Variants in UXS1 observed in about 807,000 individuals in gnomAD.
The protein encoded by UXS1 is UDP-glucuronic acid decarboxylase 1.
UXS1 carries 33 observed loss-of-function variants against 62.6 expected under a neutral mutation model. That is an observed-to-expected ratio of 0.53 (90% CI 0.40 to 0.70). UXS1 has a LOEUF of 0.70. Among genes scored for constraint, UXS1 ranks in the 30% least tolerant of loss-of-function variants. The probability of loss-of-function intolerance (pLI) is 0.00; values close to 1 mark genes in which losing one functional copy is unlikely to be tolerated. For missense variants in UXS1, 434 were observed against 556.3 expected, an observed-to-expected ratio of 0.78 and a Z score of 2.21; for synonymous variants, 213 against 206.8, an observed-to-expected ratio of 1.03 and a Z score of -0.26.
At chr2:106,142,917 G>A (rs182971756) in intron 6 of UXS1, among the ~76,000 whole-genome samples, 112 of 113,488 alleles carry the variant, frequency 9.9e-4, no homozygotes, top group African/African-American at 3.4e-3. Context: ...GTGTGTGTTT[G>A]CATGTATGTG....
At chr2:106,177,629 CT>C (rs1307921745) in intron 1 of UXS1, among the ~76,000 whole-genome samples, 2 of 152,054 alleles carry the variant, frequency 1.3e-5, no homozygotes, top group Non-Finnish European at 2.9e-5. Context: ...TTTTGAACAC[CT>C]TTTTTAAGTC....
intron 2 of UXS1, 32 bp downstream of exon 2, chr2:106,166,020 TCCAA>T: frequency 6.2e-7 from 1 of 1,600,436 alleles, no homozygotes; most frequent in South Asian, 1.1e-5. Context: ...GTCTATAAAA[TCCAA>T]CCACAGTACC....
In UXS1 at chr2:106,096,934, C is replaced by G. The variant is rs1008346472; in HGVS notation, c.1043-113G>C. The G allele has an allele frequency of 1.4e-5, 15 of 1,052,820 alleles. No homozygotes were observed. The Admixed American group carries it at 3.0e-4, about 21-fold the overall frequency. The allele number at this position is 1,052,820 out of a possible 1,614,324, so 65.2% of individuals were successfully genotyped here. A position where few individuals can be genotyped will look rare whatever the true frequency, so the allele number is the denominator to read the frequency against. ...ATATGTGGTGTGAATAGGGTGCAGG[C>G]GGTGGAAATGCAGTTCTCTGAGAAG... On this transcript the variant is annotated intron_variant, in intron 13 of 14. Transcript: ENST00000283148.
At chr2:106,109,340 G>T (rs1393050595) in intron 10 of UXS1, among the ~76,000 whole-genome samples, 1 of 152,160 alleles carries the variant, frequency 6.6e-6, no homozygotes, top group Non-Finnish European at 1.5e-5. Flanking sequence ...ACATACCACA[G>T]TATCAATAAA....
intron 5 of UXS1, among the ~76,000 whole-genome samples, chr2:106,151,675 A>C (rs1682026715): frequency 6.6e-6 from 1 of 152,224 alleles, no homozygotes; most frequent in African/African-American, 2.4e-5. Context: ...TCAATCTGAC[A>C]ACATGGCAAC....
chr2:106,095,193 T>C (rs1676979439), intron 14 of UXS1, among the ~76,000 whole-genome samples: 1 of 152,216 alleles, frequency 6.6e-6, no homozygotes, highest in Admixed American at 6.5e-5. Context: ...ATAGTGAATG[T>C]ATATTTAAAT....
intron 4 of UXS1, among the ~76,000 whole-genome samples, chr2:106,163,193 T>C (rs759957229): frequency 3.3e-5 from 5 of 152,238 alleles, no homozygotes; most frequent in Non-Finnish European, 7.3e-5. Flanking sequence ...TCATATTACA[T>C]AATTCTTCTG....
chr2:106,177,579 T>A (rs1683971172), intron 1 of UXS1, among the ~76,000 whole-genome samples: 2 of 152,232 alleles, frequency 1.3e-5, no homozygotes, highest in African/African-American at 4.8e-5. Context: ...CTTCCTATAC[T>A]TTTGTATTAC....
rs1217762075 is a variant in UXS1, at chr2:106,188,274, T to C, written c.94+5874A>G. Among the ~76,000 whole-genome samples the C allele has an allele frequency of 3.3e-5, 5 of 152,030 alleles. No homozygotes were observed. In the South Asian group the frequency reaches 1.0e-3, roughly 31 times the overall value. ...GGGGAAGGGAGAACAGGCACCAAAA[T>C]GCTACTGGATAGGAAAAAGAAGATA... On this transcript the variant is annotated intron_variant, in intron 1 of 14. Coordinates refer to ENST00000283148, the MANE Select transcript of UXS1 (RefSeq NM_001253875.2).
intron 10 of UXS1, among the ~76,000 whole-genome samples, chr2:106,112,002 T>C (rs539123949): frequency 1.3e-5 from 2 of 152,312 alleles, no homozygotes; most frequent in South Asian, 4.1e-4. Flanking sequence ...CAGGCAGGCC[T>C]GGGGTGCTCC....
At chr2:106,186,924 A>G (rs942113737) in intron 1 of UXS1, among the ~76,000 whole-genome samples, 1 of 152,158 alleles carries the variant, frequency 6.6e-6, no homozygotes, top group Non-Finnish European at 1.5e-5. Context: ...TATTTTGTTA[A>G]TTTTTAGGGA....
At chr2:106,106,776 G>A (rs1401511969) in intron 10 of UXS1, among the ~76,000 whole-genome samples, 1 of 152,130 alleles carries the variant, frequency 6.6e-6, no homozygotes, top group Non-Finnish European at 1.5e-5. Context: ...TCCACCCACT[G>A]CCAGCTCCCT....
At chr2:106,177,998 A>C (rs1169282294) in intron 1 of UXS1, among the ~76,000 whole-genome samples, 2 of 152,254 alleles carry the variant, frequency 1.3e-5, no homozygotes, top group Non-Finnish European at 2.9e-5. Context: ...TTAGTAAGAC[A>C]AAGAACAGAG....
intron 7 of UXS1, among the ~76,000 whole-genome samples, chr2:106,126,750 C>T (rs943121864): frequency 6.6e-6 from 1 of 152,128 alleles, no homozygotes; most frequent in Non-Finnish European, 1.5e-5. Context: ...TCCCCCAATG[C>T]TAAAATTTGC....
At chr2:106,120,623 C>T (rs1679447908) in intron 9 of UXS1, among the ~76,000 whole-genome samples, 1 of 152,214 alleles carries the variant, frequency 6.6e-6, no homozygotes, top group Non-Finnish European at 1.5e-5. Flanking sequence ...GTTCCACACT[C>T]TCCTTCCTAG....
intron 12 of UXS1, 93 bp downstream of exon 12, chr2:106,100,965 T>C (rs1013007378): frequency 6.8e-7 from 1 of 1,471,094 alleles, no homozygotes; most frequent in Non-Finnish European, 9.5e-7. Flanking sequence ...AGTGTGCCGA[T>C]GGCAAATGAA....
chr2:106,104,753 C>T, intron 11 of UXS1, 41 bp downstream of exon 11: 7 of 1,613,762 alleles, frequency 4.3e-6, no homozygotes, highest in Non-Finnish European at 5.9e-6. Context: ...ACCCCTGCTC[C>T]AAAGCACTGC....
At chr2:106,166,298 G>C in intron 1 of UXS1, 1 of 487,706 alleles carries the variant, frequency 2.1e-6, no homozygotes, top group Non-Finnish European at 3.6e-6. Flanking sequence ...CCAAGTTTGA[G>C]AACTGCAACC....
At chr2:106,190,792 A>G (rs549418819) in intron 1 of UXS1, among the ~76,000 whole-genome samples, 2 of 150,698 alleles carry the variant, frequency 1.3e-5, no homozygotes, top group South Asian at 4.2e-4. Context: ...GGAGAGGGAA[A>G]TGGTGGCAGG....
Sources: allele counts gnomAD v4.1 joint callset (sites outside exome capture counted in the v4.1 genomes callset), GRCh38; gene constraint gnomAD v4.1.1; transcripts MANE v1.5; gene names NCBI Gene and HGNC (gene_info 2026-07-23, HGNC 2026-07-21).